Variants in MDGA2 observed in about 807,000 individuals in gnomAD.
MDGA2 encodes the protein MAM domain-containing glycosylphosphatidylinositol anchor protein 2.
In MDGA2, 40 loss-of-function variants were observed where a neutral mutation model predicts 117.8. The ratio of observed to expected loss-of-function variants is 0.34; its 90% CI spans 0.26 to 0.44. The LOEUF (loss-of-function observed/expected upper bound fraction) is 0.44. Ranked by LOEUF, MDGA2 falls within the 20% of genes least tolerant of loss-of-function variation. The pLI is 1.00. For missense variants in MDGA2, 1,123 were observed against 1,250.6 expected (o/e 0.90, Z 1.54); for synonymous variants, 452 against 439.0 (o/e 1.03, Z -0.37).
At chr14:47,587,353 A>T (rs950830001) in intron 1 of MDGA2, among the ~76,000 whole-genome samples, 11 of 151,852 alleles carry the variant, frequency 7.2e-5, no homozygotes, top group African/African-American at 1.2e-4. Context: ...TACTTTTTTT[A>T]AAAAAAGTAA....
At chr14:46,845,212 C>T (rs1880785142) in intron 16 of MDGA2, among the ~76,000 whole-genome samples, 1 of 152,154 alleles carries the variant, frequency 6.6e-6, no homozygotes, top group African/African-American at 2.4e-5. Context: ...GGGCACTTCC[C>T]CCTTCTCTCA....
intron 1 of MDGA2, among the ~76,000 whole-genome samples, chr14:47,513,334 A>C (rs1380440983): frequency 2.0e-5 from 3 of 152,160 alleles, no homozygotes; most frequent in Non-Finnish European, 4.4e-5. Flanking sequence ...AGTGGTGCTT[A>C]CAATGAAAGA....
chr14:47,280,451 G>T (rs954242755), intron 2 of MDGA2, among the ~76,000 whole-genome samples: 3 of 151,650 alleles, frequency 2.0e-5, no homozygotes, highest in Non-Finnish European at 4.4e-5. Flanking sequence ...AGTGGCTGTA[G>T]CAGGAAGTTA....
intron 2 of MDGA2, among the ~76,000 whole-genome samples, chr14:47,225,181 T>C (rs1886440214): frequency 6.6e-6 from 1 of 151,942 alleles, no homozygotes; most frequent in African/African-American, 2.4e-5. Flanking sequence ...GGAGAGGATG[T>C]GGAGAAATAG....
rs552293090 is a variant in MDGA2 at position 47,493,298 on chromosome 14, T to C, written c.280+181219A>G. On this transcript the variant is annotated intron_variant, in intron 1 of 16. Transcript: ENST00000399232. ...AAATCATGTAAAATATATTTATATA[T>C]AATTTTATATAATATAAAATATATA... 2.2e-4 allele frequency among the ~76,000 whole-genome samples: 33 copies of C among 148,412 alleles called. No homozygotes were observed. The South Asian group carries it at 6.3e-3, about 28-fold the overall frequency.
intron 1 of MDGA2, among the ~76,000 whole-genome samples, chr14:47,400,246 T>C (rs1047339002): frequency 6.6e-6 from 1 of 152,216 alleles, no homozygotes; most frequent in Non-Finnish European, 1.5e-5. Context: ...GGTCCCAAGC[T>C]ATCAAAGGTA....
At chr14:47,382,425 G>A (rs1298339582) in intron 1 of MDGA2, among the ~76,000 whole-genome samples, 1 of 152,138 alleles carries the variant, frequency 6.6e-6, no homozygotes, top group African/African-American at 2.4e-5. Flanking sequence ...GCAACCTACA[G>A]AATGGGAGAG....
chr14:47,355,504 C>T (rs1022690620), intron 1 of MDGA2, among the ~76,000 whole-genome samples: 1 of 151,786 alleles, frequency 6.6e-6, no homozygotes, highest in Non-Finnish European at 1.5e-5. Context: ...GATGTGATAC[C>T]CTATGTCCAG....
At chr14:47,596,680 C>T (rs147130478) in intron 1 of MDGA2, among the ~76,000 whole-genome samples, 1 of 152,298 alleles carries the variant, frequency 6.6e-6, no homozygotes, top group Non-Finnish European at 1.5e-5. Flanking sequence ...CCAAAAATTA[C>T]TACCAATATG....
At chr14:46,864,553 T>TTG (rs1555329911) in intron 14 of MDGA2, among the ~76,000 whole-genome samples, 1,871 of 38,272 alleles carry the variant, frequency 0.049, 97 homozygotes, top group African/African-American at 0.23. Flanking sequence ...CTGTTTTTTT[T>TTG]TTTTTTTTTT....
intron 1 of MDGA2, among the ~76,000 whole-genome samples, chr14:47,623,201 A>C (rs1897081228): frequency 6.6e-6 from 1 of 152,050 alleles, no homozygotes; most frequent in Admixed American, 6.6e-5. Context: ...TTGCCTGTCC[A>C]CCCTTCCACC....
chr14:46,859,971 C>A (rs947274512), intron 14 of MDGA2, among the ~76,000 whole-genome samples: 1 of 151,862 alleles, frequency 6.6e-6, no homozygotes, highest in African/African-American at 2.4e-5. Context: ...GTTGCTTTAG[C>A]CTTTAAAAAA....
chr14:46,983,171 C>A (rs1409371324), intron 8 of MDGA2, among the ~76,000 whole-genome samples: 1 of 152,058 alleles, frequency 6.6e-6, no homozygotes, highest in African/African-American at 2.4e-5. Flanking sequence ...CATATCTATG[C>A]ACACTCCTAA....
intron 2 of MDGA2, among the ~76,000 whole-genome samples, chr14:47,297,356 T>C (rs1889108006): frequency 1.3e-5 from 2 of 151,188 alleles, no homozygotes; most frequent in Admixed American, 6.6e-5. Flanking sequence ...ATATTTATAA[T>C]GTATTTAAAT....
chr14:47,081,563 A>T (rs769776994), intron 6 of MDGA2, among the ~76,000 whole-genome samples: 16 of 152,126 alleles, frequency 1.1e-4, no homozygotes, highest in Admixed American at 5.2e-4. Flanking sequence ...CAAAAACACT[A>T]GAGTTTATTC....
intron 1 of MDGA2, among the ~76,000 whole-genome samples, chr14:47,479,303 A>C (rs1220808054): frequency 6.6e-6 from 1 of 152,104 alleles, no homozygotes; most frequent in Non-Finnish European, 1.5e-5. Flanking sequence ...TATTGTCCAT[A>C]AACCCAAAGG....
Position 47,675,315 on chromosome 14 carries a change from AGGAAGAGGAG to A in MDGA2, c.-529_-520del, listed in dbSNP as rs1898163425. Among the ~76,000 whole-genome samples the A allele has an allele frequency of 1.3e-3, 1 of 758 alleles. No homozygotes were observed. Among genetic ancestry groups the A allele is most frequent in the Non-Finnish European group, 3.1e-3 (1 of 322 alleles). 0.5% of individuals were successfully genotyped at this position (758 alleles called of 152,430 possible). ...ACTCGCATCGCCGAACGGGGAGAGGAGGAAGAGGAGGAGGAGGAAGAGGAGGAGGAGGAAG... is the reference window on the plus strand; with the variant it reads ...ACTCGCATCGCCGAACGGGGAGAGGAGAGGAGGAAGAGGAGGAGGAGGAAG... On this transcript the variant is annotated 5_prime_UTR_variant, in exon 1 of 17. Coordinates refer to ENST00000399232, the MANE Select transcript of MDGA2 (RefSeq NM_001113498.3).
intron 2 of MDGA2, among the ~76,000 whole-genome samples, chr14:47,263,201 AATTG>A (rs200228032): frequency 0.09 from 13,624 of 152,034 alleles, 736 homozygotes; most frequent in Non-Finnish European, 0.11. Context: ...TGGGTCAATA[AATTG>A]GAAATTTCTC....
At chr14:47,423,085 T>C (rs866491031) in intron 1 of MDGA2, among the ~76,000 whole-genome samples, 54 of 152,340 alleles carry the variant, frequency 3.5e-4, no homozygotes, top group Middle Eastern at 3.4e-3. Context: ...TTGCAGTGTT[T>C]AGATGTACAA....
Sources: allele counts gnomAD v4.1 joint callset (sites outside exome capture counted in the v4.1 genomes callset), GRCh38; gene constraint gnomAD v4.1.1; transcripts MANE v1.5; gene names NCBI Gene and HGNC (gene_info 2026-07-23, HGNC 2026-07-21).